The following LINGO3 variants were observed in gnomAD, a reference collection of about 807,000 sequenced individuals.
The protein encoded by LINGO3 is leucine rich repeat and Ig domain containing 3, also known as leucine-rich repeat and immunoglobulin-like domain-containing nogo receptor-interacting protein 3.
For synonymous variants in LINGO3, 427 were observed against 444.2 expected, an observed-to-expected ratio of 0.96 and a Z score of 0.49; for missense variants, 750 against 867.7, an observed-to-expected ratio of 0.86 and a Z score of 1.70.
chr19:2,305,988 T>A, the LINGO3 span, among the ~76,000 whole-genome samples: 1 of 152,144 alleles, frequency 6.6e-6, no homozygotes, highest in African/African-American at 2.4e-5. Context: ...CTGCTGTTAG[T>A]CCCCGTCAAC....
exon 1 of LINGO3, chr19:2,291,632 G>T: frequency 6.9e-7 from 1 of 1,451,676 alleles, no homozygotes; most frequent in Non-Finnish European, 9.0e-7. Flanking sequence ...ATGCCGTCGG[G>T]CACGGCGGTC....
chr19:2,291,574 C>T lies in LINGO3; in HGVS notation c.203G>A (p.Cys68Tyr), dbSNP rs372562029. ...CGCGGCCAGGTCGCCCGGGTTCAGG[C>T]AGCGGATGCGGTTGCGGCTGAGCTC... Residue 68 changes from cysteine to tyrosine, a missense_variant, in exon 1 of 1, where the codon TGC becomes TAC. Physicochemically the swap from Cys to Tyr is radical, Grantham distance 194 (BLOSUM62 -2). Transcript: ENST00000585527. The T allele has an allele frequency of 2.4e-5, 38 of 1,572,398 alleles. No homozygotes were observed. In the African/African-American group the frequency reaches 4.8e-4, roughly 20 times the overall value.
At chr19:2,291,642 C>T in exon 1 of LINGO3, 1 of 1,428,852 alleles carries the variant, frequency 7.0e-7, no homozygotes, top group Non-Finnish European at 9.1e-7. Flanking sequence ...GCACGGCGGT[C>T]AGGCGGCGGC....
chr19:2,291,919 G>A (rs2025528996), exon 1 of LINGO3: 1 of 704,596 alleles, frequency 1.4e-6, no homozygotes, highest in Non-Finnish European at 2.4e-6. Context: ...CAGCACGGCG[G>A]CTCGCTCCTG....
At chr19:2,305,879 C>T in the LINGO3 span, among the ~76,000 whole-genome samples, 3 of 152,218 alleles carry the variant, frequency 2.0e-5, no homozygotes, top group Non-Finnish European at 4.4e-5. Flanking sequence ...TTTGGGGACA[C>T]GCTGCCAGTC....
the LINGO3 span, among the ~76,000 whole-genome samples, chr19:2,304,673 A>G: frequency 6.8e-6 from 1 of 147,056 alleles, no homozygotes; most frequent in African/African-American, 2.5e-5. Context: ...TTCACCTGGA[A>G]TGCGCAGCAG....
exon 1 of LINGO3, chr19:2,291,653 G>T: frequency 7.1e-7 from 1 of 1,410,580 alleles, no homozygotes; most frequent in Non-Finnish European, 9.1e-7. Flanking sequence ...AGGCGGCGGC[G>T]CGTGCAGGCC....
chr19:2,304,719 T>TTTC, the LINGO3 span, among the ~76,000 whole-genome samples: 2 of 135,932 alleles, frequency 1.5e-5, no homozygotes, highest in South Asian at 5.2e-4. Context: ...GCTTTTTTTT[T>TTTC]TTTTTTTTTT....
At chr19:2,303,356 T>TTG in the LINGO3 span, among the ~76,000 whole-genome samples, 1 of 149,392 alleles carries the variant, frequency 6.7e-6, no homozygotes. Flanking sequence ...CAGGGAGCTG[T>TTG]GGGGGGGGGG....
chr19:2,289,446 AGGTGTGAGTGTGTCTCTG>A (rs1158083828), downstream of LINGO3, among the ~76,000 whole-genome samples: 3 of 151,558 alleles, frequency 2.0e-5, no homozygotes, highest in Non-Finnish European at 2.9e-5. Flanking sequence ...ATTGGGTTCC[AGGTGTGAGTGTGTCTCTG>A]GGTGTGAGGT....
At chr19:2,291,583 C>A (rs1242594496) in exon 1 of LINGO3, 7 of 1,554,402 alleles carry the variant, frequency 4.5e-6, no homozygotes, top group Non-Finnish European at 6.0e-6. Flanking sequence ...GCAGCGGATG[C>A]GGTTGCGGCT....
chr19:2,302,873 G>A, the LINGO3 span, among the ~76,000 whole-genome samples: 5 of 152,176 alleles, frequency 3.3e-5, no homozygotes, highest in Admixed American at 6.5e-5. Context: ...GCTGGCCCCC[G>A]CCATGCGATC....
upstream of LINGO3, among the ~76,000 whole-genome samples, chr19:2,295,248 A>G (rs1164675315): frequency 6.6e-6 from 1 of 152,154 alleles, no homozygotes; most frequent in East Asian, 1.9e-4. Flanking sequence ...GGAAATCTGG[A>G]CACAGAGACA....
chr19:2,305,603 C>T, the LINGO3 span, among the ~76,000 whole-genome samples: 7 of 152,140 alleles, frequency 4.6e-5, no homozygotes, highest in Non-Finnish European at 1.0e-4. Context: ...AGTCCCCGCC[C>T]AGGGCAAGGG....
upstream of LINGO3, among the ~76,000 whole-genome samples, chr19:2,293,775 G>C (rs1246631472): frequency 6.6e-6 from 1 of 151,828 alleles, no homozygotes; most frequent in Admixed American, 6.6e-5. Context: ...GTTCAAGGCC[G>C]GGCGCGGTGG....
the LINGO3 span, among the ~76,000 whole-genome samples, chr19:2,305,832 C>T: frequency 6.6e-6 from 1 of 152,170 alleles, no homozygotes; most frequent in Non-Finnish European, 1.5e-5. Flanking sequence ...AGGAGGGGGC[C>T]CAGCCCCTCA....
exon 1 of LINGO3, chr19:2,289,795 T>C (rs1421605631): frequency 1.2e-5 from 5 of 413,122 alleles, no homozygotes; most frequent in African/African-American, 2.3e-5. Context: ...CGGGTTGAAA[T>C]CTTTAGAAAA....
chr19:2,300,747 G>A, the LINGO3 span, among the ~76,000 whole-genome samples: 1 of 152,058 alleles, frequency 6.6e-6, no homozygotes, highest in African/African-American at 2.4e-5. Context: ...CCTCCTTCCA[G>A]CCGGGCTCCA....
chr19:2,301,283 T>C, the LINGO3 span, among the ~76,000 whole-genome samples: 1 of 151,234 alleles, frequency 6.6e-6, no homozygotes, highest in Non-Finnish European at 1.5e-5. Flanking sequence ...TTTAAATAAT[T>C]AATGCAGGTC....
Sources: gnomAD v4.1 joint callset for allele counts (sites outside exome capture counted in the v4.1 genomes callset) on GRCh38, gnomAD v4.1.1 for gene constraint, MANE v1.5 for transcripts, NCBI Gene and HGNC (gene_info 2026-07-23, HGNC 2026-07-21) for gene names.